The following NPL variants were observed in gnomAD, a reference collection of about 807,000 sequenced individuals.
NPL encodes N-acetylneuraminate pyruvate lyase.
NPL carries 32 observed loss-of-function variants against 41.1 expected under a neutral mutation model. That is an observed-to-expected ratio of 0.78 (90% CI 0.59 to 1.05). The LOEUF is 1.05. Among genes scored for constraint, NPL ranks in the 50% least tolerant of loss-of-function variants. The pLI is 0.00. For synonymous variants in NPL, 128 were observed against 134.9 expected (o/e 0.95, Z 0.35); for missense variants, 321 against 378.4 (o/e 0.85, Z 1.26).
intron 8 of NPL, among the ~76,000 whole-genome samples, chr1:182,817,089 A>C (rs1377315473): frequency 1.3e-5 from 2 of 152,166 alleles, no homozygotes; most frequent in East Asian, 1.9e-4. Context: ...CCTTCTTCTT[A>C]TTGAGAAGAC....
intron 3 of NPL, among the ~76,000 whole-genome samples, chr1:182,797,793 C>G (rs1187623637): frequency 1.3e-5 from 2 of 151,662 alleles, no homozygotes; most frequent in Non-Finnish European, 2.9e-5. Context: ...CTTTTTGTTA[C>G]TTGTCTATGT....
At chr1:182,802,465 G>A (rs946213860) in intron 3 of NPL, among the ~76,000 whole-genome samples, 3 of 150,934 alleles carry the variant, frequency 2.0e-5, no homozygotes, top group African/African-American at 7.4e-5. Context: ...AGATGCATCA[G>A]ATTTTTTTTT....
chr1:182,802,481 T>G (rs1039708667), intron 3 of NPL, among the ~76,000 whole-genome samples: 13 of 152,216 alleles, frequency 8.5e-5, no homozygotes, highest in African/African-American at 2.9e-4. Context: ...TTTTTTTGTT[T>G]TTGTTGTTTA....
Position 182,829,014 on chromosome 1 carries a change from A to T in NPL, c.*106A>T. On this transcript the variant is annotated 3_prime_UTR_variant, in exon 13 of 13. Transcript: ENST00000367553. ...ATGAACTTGAATAAACTCTCCTAGCAAATGAAATCTCACAATAAGCATTGA... is the reference window on the plus strand; with the variant it reads ...ATGAACTTGAATAAACTCTCCTAGCTAATGAAATCTCACAATAAGCATTGA... The T allele has an allele frequency of 1.3e-6, 2 of 1,580,236 alleles. No individual in the cohort carries two copies. Among genetic ancestry groups the T allele is most frequent in the Middle Eastern group, 1.9e-4 (1 of 5,264 alleles).
At position 182,816,761 on chromosome 1, in the gene NPL, C is replaced by G. The variant is rs1557950004; in HGVS notation, c.412C>G (p.Leu138Val). The change falls in exon 8 of 13, where the codon CTG becomes GTG. Residue 138 changes from leucine to valine, a missense_variant. Transcript: ENST00000367553. ...GGAAGTGGCTGCTGCCGCCCCTGCC[C>G]TGCCATTTTATTACTATCACATTCC... ...LKEVAAAAPA[L>V]PFYYYHIPAL... 1 of 1,613,816 alleles carries G rather than the reference C, an allele frequency of 6.2e-7. No homozygotes were observed.
chr1:182,803,636 G>A, intron 3 of NPL, 62 bp from the exon 4 acceptor site: 4 of 1,101,476 alleles, frequency 3.6e-6, no homozygotes, highest in Non-Finnish European at 5.6e-6. Context: ...ATATACCTGA[G>A]CATTTGTTGA....
chr1:182,806,773 C>T (rs1471746516), intron 5 of NPL, among the ~76,000 whole-genome samples: 2 of 152,148 alleles, frequency 1.3e-5, no homozygotes, highest in Non-Finnish European at 2.9e-5. Flanking sequence ...CAATTCATGC[C>T]ATGGTTGAAC....
chr1:182,792,209 A>G (rs569152824), intron 1 of NPL, 23 bp from the exon 2 acceptor site: 2 of 152,318 alleles, frequency 1.3e-5, no homozygotes, highest in Admixed American at 6.5e-5. Context: ...ATGAAATATA[A>G]TTACTATTAT....
At chr1:182,792,622 A>G (rs145022775) in intron 2 of NPL, among the ~76,000 whole-genome samples, 1,559 of 152,334 alleles carry the variant, frequency 0.01, 26 homozygotes, top group African/African-American at 0.033. Flanking sequence ...CCCATGGGCC[A>G]GGTTATTGGA....
chr1:182,800,625 G>T (rs1342557624), intron 3 of NPL, among the ~76,000 whole-genome samples: 2 of 151,870 alleles, frequency 1.3e-5, no homozygotes. Context: ...AGTCAGGCAG[G>T]GATCTGAAAT....
chr1:182,818,450 G>T lies in NPL; in HGVS notation c.458-91G>T, dbSNP rs3748847. ...GCAGTCAGTTCTGGCTGACAGCAGCGTGTGGCAGCTCACTGCAGATGCATG... is the reference window on the plus strand; with the variant it reads ...GCAGTCAGTTCTGGCTGACAGCAGCTTGTGGCAGCTCACTGCAGATGCATG... On this transcript the variant is annotated intron_variant, in intron 8 of 12. Coordinates refer to ENST00000367553, the MANE Select transcript of NPL (RefSeq NM_030769.3). The T allele has an allele frequency of 2.0e-6, 3 of 1,523,932 alleles. No homozygotes were observed. In the South Asian group the frequency reaches 3.4e-5, roughly 17 times the overall value. 94.4% of individuals were successfully genotyped at this position (1,523,932 alleles called of 1,614,324 possible).
Position 182,829,923 on chromosome 1 carries a change from A to G in NPL, c.*1015A>G, listed in dbSNP as rs1667724268. 2.8e-6 allele frequency: 1 copy of G among 350,944 alleles called. No individual in the cohort carries two copies. Among genetic ancestry groups the G allele is most frequent in the Non-Finnish European group, 5.2e-6 (1 of 192,400 alleles). 21.7% of individuals were successfully genotyped at this position (350,944 alleles called of 1,614,324 possible). On this transcript the variant is annotated 3_prime_UTR_variant, in exon 13 of 13. Transcript: ENST00000367553. The stretch of plus-strand genomic sequence containing the variant: ...AATCTCCCTTCTAACAAACCTTGAT[A>G]TAAGCTTTCTGATATCAAAGTATAT...
At chr1:182,820,543 A>T (rs927442641) in intron 10 of NPL, among the ~76,000 whole-genome samples, 3 of 152,234 alleles carry the variant, frequency 2.0e-5, no homozygotes, top group Non-Finnish European at 4.4e-5. Flanking sequence ...AGAAATTTAT[A>T]AGAAAAGAAG....
At chr1:182,796,642 A>G (rs1666675413) in intron 3 of NPL, among the ~76,000 whole-genome samples, 1 of 152,196 alleles carries the variant, frequency 6.6e-6, no homozygotes, top group Non-Finnish European at 1.5e-5. Context: ...GCTGGCAGAA[A>G]GAACATGGGT....
intron 12 of NPL, 144 bp downstream of exon 12, chr1:182,825,964 G>T: frequency 1.3e-6 from 1 of 768,404 alleles, no homozygotes; most frequent in Non-Finnish European, 2.3e-6. Flanking sequence ...TAACCCTCGG[G>T]GCCAACCATA....
chr1:182,811,793 A>G (rs537144720), intron 5 of NPL, among the ~76,000 whole-genome samples: 34 of 152,306 alleles, frequency 2.2e-4, no homozygotes, highest in Middle Eastern at 6.8e-3. Flanking sequence ...TTGGCTCTAA[A>G]TGAAGTCATT....
In NPL at chr1:182,829,598, T is replaced by C. The variant is rs1275673261; in HGVS notation, c.*690T>C. Reference sequence around the variant, plus strand: ...GAATTTAAGTCTCCACTTTTTTCTATACAGAAAACTCAAAACTCAAAGTTT... The same window carrying C: ...GAATTTAAGTCTCCACTTTTTTCTACACAGAAAACTCAAAACTCAAAGTTT... On this transcript the variant is annotated 3_prime_UTR_variant, in exon 13 of 13. Coordinates refer to ENST00000367553, the MANE Select transcript of NPL (RefSeq NM_030769.3). 1.9e-5 allele frequency: 29 copies of C among 1,549,318 alleles called. No individual in the cohort carries two copies. The East Asian group carries it at 6.8e-4, about 37-fold the overall frequency.
chr1:182,813,733 G>A (rs986156351), intron 6 of NPL, among the ~76,000 whole-genome samples: 1 of 152,160 alleles, frequency 6.6e-6, no homozygotes, highest in Non-Finnish European at 1.5e-5. Context: ...AATAACATCG[G>A]TATCTGCTTA....
chr1:182,829,110 G>T lies in NPL; in HGVS notation c.*202G>T. On this transcript the variant is annotated 3_prime_UTR_variant, in exon 13 of 13. Transcript: ENST00000367553. ...AAAACTCTAGGAGTCACAACTCTCA[G>T]TCATTCATTTCACAGATTTTTTTGT... 1 of 1,392,498 alleles carries T rather than the reference G, an allele frequency of 7.2e-7. No homozygotes were observed. Among genetic ancestry groups the T allele is most frequent in the Non-Finnish European group, 9.3e-7 (1 of 1,078,470 alleles). The allele number at this position is 1,392,498 out of a possible 1,614,324, so 86.3% of individuals were successfully genotyped here.
Sources: gnomAD v4.1 joint callset for allele counts (sites outside exome capture counted in the v4.1 genomes callset) on GRCh38, gnomAD v4.1.1 for gene constraint, MANE v1.5 for transcripts, NCBI Gene and HGNC (gene_info 2026-07-23, HGNC 2026-07-21) for gene names.